The following OPCML variants were observed in gnomAD, a reference collection of about 807,000 sequenced individuals.
OPCML encodes the protein opioid-binding protein/cell adhesion molecule.
Under a neutral mutation model 37.8 loss-of-function variants are expected in OPCML, and 13 were observed. The observed-to-expected ratio is 0.34, with a 90% confidence interval of 0.22 to 0.55. The LOEUF is 0.55. Ranked by LOEUF, OPCML falls within the 20% of genes least tolerant of loss-of-function variation. The probability of loss-of-function intolerance (pLI) is 0.91; values close to 1 mark genes in which losing one functional copy is unlikely to be tolerated. For synonymous variants in OPCML, 176 were observed against 168.8 expected, an observed-to-expected ratio of 1.04 and a Z score of -0.33; for missense variants, 341 against 435.6, an observed-to-expected ratio of 0.78 and a Z score of 1.93.
intron 2 of OPCML, among the ~76,000 whole-genome samples, chr11:132,896,055 A>G (rs1943829551): frequency 6.6e-6 from 1 of 152,188 alleles, no homozygotes; most frequent in Admixed American, 6.5e-5. Context: ...CTCAGAGCCG[A>G]GGTCCTCAAT....
intron 4 of OPCML, among the ~76,000 whole-genome samples, chr11:132,495,692 C>T (rs2096228988): frequency 6.6e-6 from 1 of 152,060 alleles, no homozygotes; most frequent in Non-Finnish European, 1.5e-5. Flanking sequence ...GAGATTGAGA[C>T]CATCCTGGCT....
chr11:132,943,236 T>A lies in OPCML; in HGVS notation c.62-226A>T. The stretch of plus-strand genomic sequence containing the variant: ...AGCAGGGGGAAGGAGAAGAGAGGAG[T>A]CCGGGCTCTCCGGAGTCTGAGAATT... On this transcript the variant is annotated intron_variant, in intron 1 of 7. Transcript: ENST00000524381. The surrounding 1 kb of genome is among the most constrained non-coding windows in gnomAD (Gnocchi z 4.3). The A allele has an allele frequency of 1.5e-5, 18 of 1,196,686 alleles. No homozygotes were observed. The highest frequency in any genetic ancestry group is 2.1e-5 in the Non-Finnish European group (18 of 861,706). The allele number at this position is 1,196,686 out of a possible 1,614,324, so 74.1% of individuals were successfully genotyped here.
chr11:132,711,252 C>A (rs1944253256), intron 2 of OPCML, among the ~76,000 whole-genome samples: 1 of 152,150 alleles, frequency 6.6e-6, no homozygotes, highest in African/African-American at 2.4e-5. Flanking sequence ...AGCGAGGACA[C>A]TCAATTAATA....
intron 1 of OPCML, among the ~76,000 whole-genome samples, chr11:133,157,201 A>G (rs1198030591): frequency 6.6e-6 from 1 of 152,242 alleles, no homozygotes; most frequent in Non-Finnish European, 1.5e-5. Context: ...CACACGGTGT[A>G]CTGCGGGCAC....
chr11:132,678,452 A>T (rs1344613401), intron 2 of OPCML, among the ~76,000 whole-genome samples: 1 of 152,230 alleles, frequency 6.6e-6, no homozygotes, highest in East Asian at 1.9e-4. Context: ...ACAGATGTTT[A>T]CCGCAACTTT....
At chr11:132,485,129 C>T (rs900192234) in intron 4 of OPCML, among the ~76,000 whole-genome samples, 30 of 151,944 alleles carry the variant, frequency 2.0e-4, no homozygotes, top group African/African-American at 3.9e-4. Flanking sequence ...TATCACTGTT[C>T]GGGAGAGCTG....
chr11:132,537,570 T>C (rs1472421666), intron 3 of OPCML, among the ~76,000 whole-genome samples: 1 of 152,060 alleles, frequency 6.6e-6, no homozygotes, highest in African/African-American at 2.4e-5. Context: ...GCAGAAAAAA[T>C]AGATAAACCG....
At chr11:133,204,498 G>C (rs1938947267) in intron 1 of OPCML, among the ~76,000 whole-genome samples, 1 of 152,146 alleles carries the variant, frequency 6.6e-6, no homozygotes, top group Admixed American at 6.5e-5. Flanking sequence ...TGGACACTTT[G>C]TCAGGTCCCT....
chr11:133,207,160 T>C (rs552358566), intron 1 of OPCML, among the ~76,000 whole-genome samples: 3 of 142,120 alleles, frequency 2.1e-5, no homozygotes, highest in Non-Finnish European at 3.0e-5. Flanking sequence ...ATTAACCAGG[T>C]GTGGTGGCGG....
intron 2 of OPCML, among the ~76,000 whole-genome samples, chr11:132,897,357 C>A (rs1046986736): frequency 6.6e-6 from 1 of 152,172 alleles, no homozygotes; most frequent in Non-Finnish European, 1.5e-5. Context: ...AGCTGCCCAT[C>A]ATGAACTGGG....
chr11:132,963,666 T>G (rs1221004438), intron 1 of OPCML, among the ~76,000 whole-genome samples: 13 of 151,800 alleles, frequency 8.6e-5, no homozygotes, highest in Admixed American at 7.9e-4. Flanking sequence ...CATTCTTATA[T>G]AGAGGAAGAG....
intron 1 of OPCML, among the ~76,000 whole-genome samples, chr11:133,290,928 GCTAAGT>G (rs1455224591): frequency 6.6e-6 from 1 of 152,196 alleles, no homozygotes; most frequent in African/African-American, 2.4e-5. Flanking sequence ...CTTGAATTGT[GCTAAGT>G]CTCAACTCCT....
At position 132,415,358 on chromosome 11, in the gene OPCML, A is replaced by G. The variant is rs1415146686; in HGVS notation, c.*4835T>C. 1 of 152,344 alleles carries G rather than the reference A, an allele frequency of 6.6e-6. No individual in the cohort carries two copies. Among genetic ancestry groups the G allele is most frequent in the African/African-American group, 2.4e-5 (1 of 41,424 alleles). 9.4% of individuals were successfully genotyped at this position (152,344 alleles called of 1,614,324 possible). ...TTTTTTTAAATCTAAAGGACTCTGA[A>G]CTTGACAGACACATTTTCGTTCACC... is the stretch of plus-strand genomic sequence containing the variant. On this transcript the variant is annotated 3_prime_UTR_variant, in exon 8 of 8. Transcript: ENST00000524381.
chr11:132,986,223 C>A (rs1284113428), intron 1 of OPCML, among the ~76,000 whole-genome samples: 9 of 152,110 alleles, frequency 5.9e-5, no homozygotes, highest in African/African-American at 1.9e-4. Context: ...GCAGAAAAAT[C>A]ACTGACTTAC....
intron 1 of OPCML, chr11:133,005,096 C>T: frequency 1.0e-6 from 1 of 985,372 alleles, no homozygotes; most frequent in Non-Finnish European, 1.2e-6. Flanking sequence ...TCATGGCTTC[C>T]CATGAAGTTT....
intron 1 of OPCML, among the ~76,000 whole-genome samples, chr11:132,951,672 C>T (rs188490087): frequency 3.2e-4 from 49 of 152,256 alleles, no homozygotes; most frequent in African/African-American, 1.2e-3. Flanking sequence ...GGCCTAATTC[C>T]CCATTGTCAC....
At chr11:133,411,467 A>C (rs574619150) in intron 1 of OPCML, among the ~76,000 whole-genome samples, 2 of 152,250 alleles carry the variant, frequency 1.3e-5, no homozygotes, top group African/African-American at 4.8e-5. Context: ...GTCATGGGAA[A>C]GGAACCCTTG....
intron 4 of OPCML, among the ~76,000 whole-genome samples, chr11:132,439,708 T>C (rs2096025725): frequency 6.6e-6 from 1 of 150,974 alleles, no homozygotes; most frequent in Admixed American, 6.6e-5. Context: ...ATTTTTTTTT[T>C]TTTTCCTGAA....
chr11:132,936,100 G>C (rs954525291), intron 2 of OPCML, among the ~76,000 whole-genome samples: 7 of 152,210 alleles, frequency 4.6e-5, no homozygotes, highest in African/African-American at 1.7e-4. Flanking sequence ...GGCTTCACTT[G>C]AGTGCGGGTG....
Sources: allele counts gnomAD v4.1 joint callset (sites outside exome capture counted in the v4.1 genomes callset), GRCh38; gene constraint gnomAD v4.1.1; non-coding constraint Gnocchi (gnomAD v3.1); transcripts MANE v1.5; gene names NCBI Gene and HGNC (gene_info 2026-07-23, HGNC 2026-07-21).